STK32C: variants seen among roughly 807,000 people sequenced by gnomAD.
STK32C encodes the protein serine/threonine-protein kinase 32C.
In STK32C, 31 loss-of-function variants were observed where a neutral mutation model predicts 56.5. That is an observed-to-expected ratio of 0.55 (90% CI 0.41 to 0.74). STK32C has a LOEUF of 0.74. STK32C is among the 30% of genes least tolerant of loss of function. The pLI, the probability that STK32C is intolerant of heterozygous loss-of-function variation, is 0.00. For synonymous variants in STK32C, 309 were observed against 289.4 expected (o/e 1.07, Z -0.69); for missense variants, 544 against 676.9 (o/e 0.80, Z 2.18).
intron 1 of STK32C, among the ~76,000 whole-genome samples, chr10:132,295,390 G>A (rs973692637): frequency 6.6e-6 from 1 of 152,200 alleles, no homozygotes; most frequent in East Asian, 1.9e-4. Flanking sequence ...AAACTCACAA[G>A]AGCAACAACG....
intron 1 of STK32C, among the ~76,000 whole-genome samples, chr10:132,249,540 G>A (rs2063822537): frequency 6.6e-6 from 1 of 152,154 alleles, no homozygotes; most frequent in Non-Finnish European, 1.5e-5. Flanking sequence ...CATGTCCACA[G>A]GGATCCCTGC....
chr10:132,291,905 G>A (rs1317353329), intron 1 of STK32C, among the ~76,000 whole-genome samples: 1 of 152,174 alleles, frequency 6.6e-6, no homozygotes, highest in Non-Finnish European at 1.5e-5. Context: ...TGCTGACAGC[G>A]AGAGGTGGTG....
intron 1 of STK32C, among the ~76,000 whole-genome samples, chr10:132,281,828 T>C (rs74161766): frequency 0.15 from 22,221 of 152,150 alleles, 2,978 homozygotes; most frequent in African/African-American, 0.36. Context: ...GGGTGGGAGA[T>C]CAGACATGGT....
intron 1 of STK32C, among the ~76,000 whole-genome samples, chr10:132,316,826 C>T (rs988244245): frequency 6.6e-6 from 1 of 152,006 alleles, no homozygotes; most frequent in Non-Finnish European, 1.5e-5. Context: ...GAGGCAAAGG[C>T]TGGTGGATCA....
At chr10:132,218,947 C>G (rs2062550400) in intron 10 of STK32C, among the ~76,000 whole-genome samples, 1 of 152,148 alleles carries the variant, frequency 6.6e-6, no homozygotes, top group Admixed American at 6.6e-5. Flanking sequence ...AAGCCAGCTG[C>G]AAAGACCACA....
intron 10 of STK32C, among the ~76,000 whole-genome samples, chr10:132,221,394 C>T (rs1565070152): frequency 6.9e-6 from 1 of 144,414 alleles, no homozygotes; most frequent in Non-Finnish European, 1.5e-5. Flanking sequence ...GCACACACAA[C>T]CAAAGCCAGC....
In STK32C at chr10:132,225,664, T is replaced by C. The variant is rs769689233; in HGVS notation, c.683-48A>G. On this transcript the variant is annotated intron_variant, in intron 5 of 11. Coordinates refer to ENST00000298630, the MANE Select transcript of STK32C (RefSeq NM_173575.4). Reference sequence around the variant, plus strand: ...TGGCTGTCCCAGGACCAGAGATGCATCCTTGCGTGCAGGATCCTCCTCCCC... The same window carrying C: ...TGGCTGTCCCAGGACCAGAGATGCACCCTTGCGTGCAGGATCCTCCTCCCC... 3.7e-6 allele frequency: 6 copies of C among 1,608,986 alleles called. No homozygotes were observed. In the Admixed American group the frequency reaches 6.7e-5, roughly 18 times the overall value.
At chr10:132,284,433 G>A (rs1283423452) in intron 1 of STK32C, among the ~76,000 whole-genome samples, 32 of 123,432 alleles carry the variant, frequency 2.6e-4, no homozygotes, top group African/African-American at 9.0e-4. Flanking sequence ...GGGCAGGTGA[G>A]GTTGGGAGGG....
intron 1 of STK32C, among the ~76,000 whole-genome samples, chr10:132,272,266 C>T (rs574348887): frequency 1.1e-4 from 16 of 152,234 alleles, no homozygotes; most frequent in Non-Finnish European, 1.9e-4. Flanking sequence ...GGAATGGCCA[C>T]GTGAGGACGC....
At chr10:132,228,971 C>T (rs943541186) in intron 2 of STK32C, among the ~76,000 whole-genome samples, 4 of 152,224 alleles carry the variant, frequency 2.6e-5, no homozygotes, top group Non-Finnish European at 4.4e-5. Context: ...CATGGATCAT[C>T]GGTGTCAACA....
rs201439256 is a variant in STK32C at position 132,227,956 on chromosome 10, G to A, written c.470+21C>T. 6.4e-5 allele frequency: 103 copies of A among 1,611,056 alleles called. 3 individuals are homozygous for A. The highest frequency in any genetic ancestry group is 4.4e-4 in the African/African-American group (33 of 75,028). The stretch of plus-strand genomic sequence containing the variant: ...CTTCAGGACGGTAAGTCTTTCTGCA[G>A]CGAGGCCATGGCAGGCTCACCAGAG... On this transcript the variant is annotated intron_variant, in intron 3 of 11. Coordinates refer to ENST00000298630, the MANE Select transcript of STK32C (RefSeq NM_173575.4).
chr10:132,207,764 C>T lies in STK32C; in HGVS notation c.*246G>A, dbSNP rs1457395841. The T allele has an allele frequency of 1.2e-5, 5 of 405,292 alleles. No homozygotes were observed. The highest frequency in any genetic ancestry group is 1.2e-5 in the Non-Finnish European group (3 of 240,526). The allele number at this position is 405,292 out of a possible 1,614,324, so 25.1% of individuals were successfully genotyped here. On this transcript the variant is annotated 3_prime_UTR_variant, in exon 12 of 12. Transcript: ENST00000298630. ...TGAGCGGTAAGAGGGCGCCCAGCAG[C>T]GCTTCCTCCATCTAGGCGGGTCTCG... is the stretch of plus-strand genomic sequence containing the variant.
At chr10:132,301,015 T>C (rs2065896491) in intron 1 of STK32C, among the ~76,000 whole-genome samples, 1 of 152,054 alleles carries the variant, frequency 6.6e-6, no homozygotes, top group Non-Finnish European at 1.5e-5. Context: ...TGACACCAAG[T>C]AGAAGGCCTG....
rs562143429 is a variant in STK32C, at chr10:132,260,441, G to A, written c.263-14486C>T. Among the ~76,000 whole-genome samples the A allele has an allele frequency of 2.6e-5, 4 of 152,300 alleles. No homozygotes were observed. In the South Asian group the frequency reaches 8.3e-4, roughly 32 times the overall value. On this transcript the variant is annotated intron_variant, in intron 1 of 11. Transcript: ENST00000298630. ...TGCCTCCACCAGCTCCTGTGTGCCAGGGAATGGGCTCCACCCCAAGCCCCA... is the reference window on the plus strand; with the variant it reads ...TGCCTCCACCAGCTCCTGTGTGCCAAGGAATGGGCTCCACCCCAAGCCCCA...
At chr10:132,257,051 A>G (rs895231020) in intron 1 of STK32C, among the ~76,000 whole-genome samples, 11 of 152,082 alleles carry the variant, frequency 7.2e-5, no homozygotes. Flanking sequence ...GAGCAGATGG[A>G]TGGGCAGGGC....
chr10:132,301,586 G>A (rs566853479), intron 1 of STK32C, among the ~76,000 whole-genome samples: 2 of 152,332 alleles, frequency 1.3e-5, no homozygotes, highest in African/African-American at 2.4e-5. Context: ...CCAGGAACCC[G>A]CCAGTGGACA....
Position 132,208,057 on chromosome 10 carries a change from C to T in STK32C, c.1414G>A (p.Ala472Thr), listed in dbSNP as rs758082003. The T allele has an allele frequency of 1.1e-5, 15 of 1,310,310 alleles. No individual in the cohort carries two copies. Among genetic ancestry groups the T allele is most frequent in the Non-Finnish European group, 1.4e-5 (14 of 1,021,714 alleles). 81.2% of individuals were successfully genotyped at this position (1,310,310 alleles called of 1,614,324 possible). Residue 472 changes from alanine (A) to threonine (T), a missense_variant, in exon 12 of 12, where the codon GCC (alanine) becomes ACC (threonine). Physicochemically the swap from Ala to Thr is moderately conservative, Grantham distance 58. Around this residue, in one of 3 missense-constraint regions of STK32C, gnomAD observed 277 missense variants for 309.3 expected, o/e 0.90. Transcript: ENST00000298630. ...CAAATGGGGCCGCACATGGGCAGGG[C>T]GGAGCGTTCCGCCTCGTCCTCCACA... is the stretch of plus-strand genomic sequence containing the variant. ...EPVEDEAERS[A>T]LPMCGPICPS...
intron 2 of STK32C, among the ~76,000 whole-genome samples, chr10:132,241,257 A>G (rs4504987): frequency 0.48 from 72,935 of 152,138 alleles, 17,910 homozygotes; most frequent in East Asian, 0.69. Flanking sequence ...CCAAAGAGGC[A>G]TCCAAAGAGG....
chr10:132,309,384 C>T, upstream of STK32C, among the ~76,000 whole-genome samples: 1 of 152,074 alleles, frequency 6.6e-6, no homozygotes, highest in Non-Finnish European at 1.5e-5. Context: ...GGACATGCAC[C>T]CACCTGGACA....
Sources: allele counts gnomAD v4.1 joint callset (sites outside exome capture counted in the v4.1 genomes callset), GRCh38; gene constraint gnomAD v4.1.1; regional missense constraint gnomAD v4.1.1; transcripts MANE v1.5; gene names NCBI Gene and HGNC (gene_info 2026-07-23, HGNC 2026-07-21).